MTCL1: variants seen among roughly 807,000 people sequenced by gnomAD.
MTCL1 encodes the protein microtubule cross-linking factor 1.
In MTCL1, 79 loss-of-function variants were observed where a neutral mutation model predicts 141.4. The ratio of observed to expected loss-of-function variants is 0.56; its 90% confidence interval spans 0.47 to 0.67. The LOEUF is 0.67. Among genes scored for constraint, MTCL1 ranks in the 30% least tolerant of loss-of-function variants. MTCL1 has a pLI of 0.00. For synonymous variants in MTCL1, 914 were observed against 875.8 expected (o/e 1.04, Z -0.77); for missense variants, 2,177 against 2,113.9 (o/e 1.03, Z -0.59).
chr18:8,807,095 G>A (rs769555211), intron 11 of MTCL1, 35 bp downstream of exon 10: 2 of 1,591,326 alleles, frequency 1.3e-6, no homozygotes, highest in African/African-American at 1.3e-5. Context: ...GATCCTGACT[G>A]TGTGTCTCTG....
At chr18:8,755,548 G>T (rs890062567) in intron 4 of MTCL1, among the ~76,000 whole-genome samples, 5 of 152,102 alleles carry the variant, frequency 3.3e-5, no homozygotes, top group African/African-American at 1.2e-4. Flanking sequence ...CTGGGACCAG[G>T]TCTGTCCCAG....
chr18:8,812,785 C>T, intron 11 of MTCL1, 194 bp from the exon 11 acceptor site: 2 of 638,462 alleles, frequency 3.1e-6, no homozygotes, highest in Non-Finnish European at 5.2e-6. Context: ...AGTTTACTCA[C>T]CGCTTAACAT....
rs182662549 is a variant in MTCL1, at chr18:8,764,396, C to T, written c.358-13437C>T. 3.2e-4 allele frequency among the ~76,000 whole-genome samples: 49 copies of T among 151,996 alleles called. No homozygotes were observed. The East Asian group carries it at 9.5e-3, about 29-fold the overall frequency. On this transcript the variant is annotated intron_variant, in intron 4 of 16. Coordinates refer to ENST00000359865, the Ensembl canonical transcript of MTCL1. The stretch of plus-strand genomic sequence containing the variant: ...GCGGTGGTGCAATCTTGGCTCACTG[C>T]AACCTCTGCCTCCCGGGTTCAAGTG...
At chr18:8,792,033 G>A (rs867597458) in intron 7 of MTCL1, among the ~76,000 whole-genome samples, 45 of 152,214 alleles carry the variant, frequency 3.0e-4, no homozygotes, top group South Asian at 4.2e-4. Context: ...GACTACCCAG[G>A]TACCGATTAG....
chr18:8,710,453 CTTTCT>C (rs869053591), intron 1 of MTCL1, among the ~76,000 whole-genome samples: 1 of 112,424 alleles, frequency 8.9e-6, no homozygotes, highest in Non-Finnish European at 1.8e-5. Flanking sequence ...AACCCAGGCA[CTTTCT>C]TTTTTTTTTT....
chr18:8,786,165 T>C (rs907742430), intron 7 of MTCL1, 74 bp downstream of exon 6: 4 of 1,405,674 alleles, frequency 2.8e-6, no homozygotes, highest in Non-Finnish European at 3.8e-6. Flanking sequence ...TGTGACGTTT[T>C]CTGTCCCGGA....
chr18:8,706,400 G>A (rs2096058490), exon 1 of MTCL1: 1 of 1,228,794 alleles, frequency 8.1e-7, no homozygotes, highest in African/African-American at 1.6e-5. Context: ...GAACCCCCAC[G>A]AGGAGCGCCG....
chr18:8,788,046 A>C (rs1040009800), intron 7 of MTCL1, among the ~76,000 whole-genome samples: 4 of 152,182 alleles, frequency 2.6e-5, no homozygotes, highest in African/African-American at 4.8e-5. Context: ...TTTAATGAGA[A>C]TATCCCTGAA....
rs188039271 is a variant in MTCL1, at chr18:8,731,994, C to A, written c.357+11498C>A. The stretch of plus-strand genomic sequence containing the variant: ...AAAGTGCTGGGATTACAGGCGTGAG[C>A]CACTGTGTCCCGCCTCAAAATTTGT... On this transcript the variant is annotated intron_variant, in intron 4 of 16. Coordinates refer to ENST00000359865, the Ensembl canonical transcript of MTCL1. Among the ~76,000 whole-genome samples the A allele has an allele frequency of 1.8e-3, 280 of 152,356 alleles. 4 individuals carry two copies. Among genetic ancestry groups the A allele is most frequent in the African/African-American group, 6.4e-3 (265 of 41,586 alleles).
In MTCL1 at chr18:8,779,511, A is replaced by C. The variant is rs563092058; in HGVS notation, c.417+1619A>C. On this transcript the variant is annotated intron_variant, in intron 5 of 16. Coordinates refer to ENST00000359865, the Ensembl canonical transcript of MTCL1. This position sits in a 1 kb window ranked among gnomAD's most constrained non-coding sequence, Gnocchi z 4.1. ...CTGCCTGAGCTGAAGCTGTGATTCC[A>C]CATCTTATGAGAAGGAGTGGCTTCC... Among the ~76,000 whole-genome samples the C allele has an allele frequency of 4.5e-4, 69 of 152,302 alleles. No homozygotes were observed. The highest frequency in any genetic ancestry group is 1.5e-3 in the African/African-American group (62 of 41,574).
At chr18:8,815,818 C>A (rs922714473) in intron 12 of MTCL1, among the ~76,000 whole-genome samples, 8 of 152,024 alleles carry the variant, frequency 5.3e-5, no homozygotes, top group Non-Finnish European at 1.2e-4. Flanking sequence ...AGGTGGACAT[C>A]TTTGAGCATC....
chr18:8,749,562 A>G (rs182195148), intron 4 of MTCL1, among the ~76,000 whole-genome samples: 2 of 152,350 alleles, frequency 1.3e-5, no homozygotes, highest in East Asian at 3.9e-4. Flanking sequence ...AGACAGAGCC[A>G]GTGGAGAGGC....
intron 4 of MTCL1, among the ~76,000 whole-genome samples, chr18:8,758,015 C>T (rs2096410847): frequency 6.7e-6 from 1 of 150,260 alleles, no homozygotes. Context: ...TGAGTAGCAC[C>T]CAGTCTTTTT....
rs1165116528 is a variant in MTCL1 at position 8,788,061 on chromosome 18, C to T, written c.1887+1970C>T. On this transcript the variant is annotated intron_variant, in intron 7 of 16. Coordinates refer to ENST00000359865, the Ensembl canonical transcript of MTCL1. ...TTTAATGAGAATATCCCTGAATTTGCTGCCAACAATTGCTTTCCCATGAGG... is the reference window on the plus strand; with the variant it reads ...TTTAATGAGAATATCCCTGAATTTGTTGCCAACAATTGCTTTCCCATGAGG... 2.0e-5 allele frequency among the ~76,000 whole-genome samples: 3 copies of T among 152,148 alleles called. No individual in the cohort carries two copies. The East Asian group carries it at 5.8e-4, about 29-fold the overall frequency.
intron 11 of MTCL1, among the ~76,000 whole-genome samples, chr18:8,808,005 CAAA>C (rs530719223): frequency 1.7e-5 from 2 of 114,576 alleles, no homozygotes; most frequent in African/African-American, 3.0e-5. Context: ...CTTGATGTGT[CAAA>C]AAAAAAAAAA....
intron 7 of MTCL1, chr18:8,786,354 C>T: frequency 1.5e-6 from 1 of 676,738 alleles, no homozygotes; most frequent in Non-Finnish European, 2.7e-6. Flanking sequence ...TTTCCGCAGA[C>T]CGGGAGCACC....
At chr18:8,729,897 C>T (rs1356245251) in intron 4 of MTCL1, among the ~76,000 whole-genome samples, 1 of 151,948 alleles carries the variant, frequency 6.6e-6, no homozygotes, top group Non-Finnish European at 1.5e-5. Flanking sequence ...TGAATATTTT[C>T]TCCTATGTAT....
Position 8,810,105 on chromosome 18 carries a change from T to G in MTCL1, c.2605-2874T>G, listed in dbSNP as rs2076434179. The G allele has an allele frequency of 6.5e-6, 1 of 154,854 alleles. No individual in the cohort carries two copies. The highest frequency in any genetic ancestry group is 3.4e-3 in the Middle Eastern group (1 of 298). 9.6% of individuals were successfully genotyped at this position (154,854 alleles called of 1,614,324 possible). A position where few individuals can be genotyped will look rare whatever the true frequency, so the allele number is the denominator to read the frequency against. On this transcript the variant is annotated intron_variant, in intron 11 of 16. Coordinates refer to ENST00000359865, the Ensembl canonical transcript of MTCL1. The surrounding 1 kb of genome is among the most constrained non-coding windows in gnomAD (Gnocchi z 5.0). Reference sequence around the variant, plus strand: ...GTGGAGTTCAGCGATATCGGATGCTTTGAAGAGGACAGGACAGATGAAGGA... The same window carrying G: ...GTGGAGTTCAGCGATATCGGATGCTGTGAAGAGGACAGGACAGATGAAGGA...
intron 4 of MTCL1, among the ~76,000 whole-genome samples, chr18:8,756,283 G>A (rs2096397166): frequency 6.7e-6 from 1 of 148,582 alleles, no homozygotes; most frequent in African/African-American, 2.6e-5. Context: ...TGAGATTTCA[G>A]CCTTAGCCAT....
Sources: gnomAD v4.1 joint callset for allele counts (sites outside exome capture counted in the v4.1 genomes callset) on GRCh38, gnomAD v4.1.1 for gene constraint, Gnocchi (gnomAD v3.1) non-coding constraint, MANE v1.5 for transcripts, NCBI Gene and HGNC (gene_info 2026-07-23, HGNC 2026-07-21) for gene names.